The following PNLIP variants were observed in gnomAD, a reference collection of about 807,000 sequenced individuals.
PNLIP encodes the protein pancreatic lipase.
In PNLIP, 49 loss-of-function variants were observed where a neutral mutation model predicts 57.1. That is an observed-to-expected ratio of 0.86 (90% confidence interval 0.68 to 1.09). The LOEUF (loss-of-function observed/expected upper bound fraction) is 1.09, where lower values mean the gene tolerates loss of function less well. Among genes scored for constraint, PNLIP ranks in the 50% least tolerant of loss-of-function variants. PNLIP has a pLI of 0.00. For synonymous variants in PNLIP, 209 were observed against 200.4 expected (o/e 1.04, Z -0.36); for missense variants, 503 against 570.2 (o/e 0.88, Z 1.20).
chr10:116,556,175 G>C, intron 9 of PNLIP, 57 bp downstream of exon 9: 1 of 951,254 alleles, frequency 1.1e-6, no homozygotes, highest in Non-Finnish European at 1.7e-6. Context: ...TCTCATGACT[G>C]GTGTGCTTTC....
chr10:116,561,927 G>A (rs1205622579), intron 12 of PNLIP, among the ~76,000 whole-genome samples: 1 of 152,190 alleles, frequency 6.6e-6, no homozygotes, highest in Non-Finnish European at 1.5e-5. Context: ...GCTGTGCTTC[G>A]TGCTATGTGA....
chr10:116,546,101 A>G lies in PNLIP; in HGVS notation c.9A>G (p.Pro3=), dbSNP rs745791691. The change falls in exon 2 of 13, where the codon CCA becomes CCG. Residue 3 remains proline (P), a synonymous_variant. Coordinates refer to ENST00000369221, the MANE Select transcript of PNLIP (RefSeq NM_000936.4). ...TTTTTAATTTCGTGTAGATGCTGCC[A>G]CTTTGGACTCTTTCACTGCTGCTGG... ML[P]LWTLSLLLGA... is the part of the protein sequence containing the mutation. The G allele has an allele frequency of 6.2e-7, 1 of 1,613,862 alleles. No homozygotes were observed. The highest frequency in any genetic ancestry group is 1.1e-5 in the South Asian group (1 of 91,056).
At position 116,560,304 on chromosome 10, in the gene PNLIP, C is replaced by A. The variant is rs190381915; in HGVS notation, c.1061-112C>A. The A allele has an allele frequency of 9.8e-4, 593 of 605,072 alleles. 4 individuals carry two copies. The East Asian group carries it at 0.015, about 15-fold the overall frequency. 37.5% of individuals were successfully genotyped at this position (605,072 alleles called of 1,614,324 possible). A position where few individuals can be genotyped will look rare whatever the true frequency, so the allele number is the denominator to read the frequency against. ...ACACACACACACACACACACACACA[C>A]ACACAATTATAAATAAATTATTCAA... On this transcript the variant is annotated intron_variant, in intron 10 of 12. Transcript: ENST00000369221.
intron 4 of PNLIP, among the ~76,000 whole-genome samples, chr10:116,549,433 C>T (rs1188439958): frequency 2.0e-5 from 3 of 151,868 alleles, no homozygotes; most frequent in Admixed American, 6.6e-5. Context: ...GAGCCAAGAT[C>T]GTGCCACTGC....
At chr10:116,559,080 G>A (rs1294728985) in intron 9 of PNLIP, 74 bp from the exon 10 acceptor site, 32 of 1,540,434 alleles carry the variant, frequency 2.1e-5, no homozygotes, top group South Asian at 7.7e-5. Context: ...TTTGAATGGC[G>A]ACAACATGTA....
At chr10:116,558,621 T>C (rs1276665938) in intron 9 of PNLIP, among the ~76,000 whole-genome samples, 2 of 151,666 alleles carry the variant, frequency 1.3e-5, no homozygotes, top group Admixed American at 6.6e-5. Context: ...ATTCTCTCAT[T>C]GTATGATTTG....
intron 12 of PNLIP, among the ~76,000 whole-genome samples, chr10:116,563,645 G>C (rs1466905540): frequency 6.6e-6 from 1 of 151,974 alleles, no homozygotes; most frequent in Admixed American, 6.6e-5. Context: ...TACGATGTTT[G>C]GTTTTCCATT....
chr10:116,549,047 A>T (rs1030339533), intron 4 of PNLIP, among the ~76,000 whole-genome samples: 1 of 152,226 alleles, frequency 6.6e-6, no homozygotes, highest in African/African-American at 2.4e-5. Context: ...CAAATAGAAT[A>T]AATTTTCCTA....
At chr10:116,561,070 C>T (rs1176385727) in intron 11 of PNLIP, among the ~76,000 whole-genome samples, 2 of 152,028 alleles carry the variant, frequency 1.3e-5, no homozygotes, top group Non-Finnish European at 2.9e-5. Context: ...CTGATAAAAC[C>T]ATTCATGTTT....
At chr10:116,563,047 G>A (rs865928750) in intron 12 of PNLIP, among the ~76,000 whole-genome samples, 10 of 152,128 alleles carry the variant, frequency 6.6e-5, no homozygotes, top group Non-Finnish European at 1.3e-4. Context: ...CTATAATGAG[G>A]AGAATAATCA....
rs376716580 is a variant in PNLIP, at chr10:116,551,082, G to A, written c.325-16G>A. The A allele has an allele frequency of 1.2e-5, 19 of 1,559,188 alleles. No homozygotes were observed. Among genetic ancestry groups the A allele is most frequent in the South Asian group, 1.1e-4 (9 of 82,424 alleles). On this transcript the variant is annotated splice_polypyrimidine_tract_variant and intron_variant, in intron 4 of 12. Coordinates refer to ENST00000369221, the MANE Select transcript of PNLIP (RefSeq NM_000936.4). The stretch of plus-strand genomic sequence containing the variant: ...ATCCTGAATTATTTATCTGTTTATT[G>A]TGCCCCTTCCACCAGAATCTGTTCA...
intron 4 of PNLIP, among the ~76,000 whole-genome samples, chr10:116,549,356 G>T (rs963807421): frequency 6.6e-6 from 1 of 152,096 alleles, no homozygotes; most frequent in African/African-American, 2.4e-5. Context: ...GCACGCACCT[G>T]TAATCCCAGC....
intron 5 of PNLIP, among the ~76,000 whole-genome samples, chr10:116,552,056 A>G (rs1245954730): frequency 6.6e-6 from 1 of 152,202 alleles, no homozygotes; most frequent in African/African-American, 2.4e-5. Flanking sequence ...ACCACAGCAC[A>G]ACATATTACT....
intron 9 of PNLIP, among the ~76,000 whole-genome samples, chr10:116,558,656 C>T (rs1197608586): frequency 2.0e-5 from 3 of 151,784 alleles, no homozygotes; most frequent in African/African-American, 4.8e-5. Context: ...TGGAGTCTTG[C>T]TCTCTTGCCC....
intron 4 of PNLIP, among the ~76,000 whole-genome samples, chr10:116,550,655 A>G (rs748620449): frequency 3.3e-5 from 5 of 152,328 alleles, no homozygotes; most frequent in Middle Eastern, 3.4e-3. Context: ...TTCATTAAAT[A>G]TTTACTGAGC....
At chr10:116,551,292 A>T (rs1198709942) in intron 5 of PNLIP, 60 bp downstream of exon 5, 3 of 103,442 alleles carry the variant, frequency 2.9e-5, no homozygotes, top group Admixed American at 1.4e-3. Flanking sequence ...TATCTTTCCA[A>T]AAAAAAAAAA....
At chr10:116,560,615 T>C in intron 11 of PNLIP, 91 bp downstream of exon 11, 2 of 616,390 alleles carry the variant, frequency 3.2e-6, no homozygotes, top group South Asian at 4.3e-5. Flanking sequence ...TCTTGCTCTG[T>C]CACCCAGGCT....
chr10:116,547,471 G>A, intron 3 of PNLIP, 23 bp downstream of exon 3: 1 of 1,595,758 alleles, frequency 6.3e-7, no homozygotes, highest in Non-Finnish European at 8.5e-7. Flanking sequence ...ACTGTGTTTA[G>A]AACTAAGTTC....
chr10:116,550,345 C>A (rs1349583346), intron 4 of PNLIP, among the ~76,000 whole-genome samples: 3 of 151,292 alleles, frequency 2.0e-5, no homozygotes, highest in Non-Finnish European at 4.4e-5. Context: ...GGCGTGACCA[C>A]CGCACCTGGC....
Sources: allele counts gnomAD v4.1 joint callset (sites outside exome capture counted in the v4.1 genomes callset), GRCh38; gene constraint gnomAD v4.1.1; transcripts MANE v1.5; gene names NCBI Gene and HGNC (gene_info 2026-07-23, HGNC 2026-07-21).